Variants in PLCL2 observed in about 807,000 individuals in gnomAD.
PLCL2 encodes the protein inactive phospholipase C-like protein 2.
In PLCL2, 4 loss-of-function variants were observed where a neutral mutation model predicts 79.6. The observed-to-expected ratio is 0.05, with a 90% CI of 0.02 to 0.11. The LOEUF is 0.11. PLCL2 is among the 10% of genes least tolerant of loss of function. The pLI is 1.00. For missense variants in PLCL2, 895 were observed against 1,291.0 expected, an observed-to-expected ratio of 0.69 and a Z score of 4.70; for synonymous variants, 484 against 457.7, an observed-to-expected ratio of 1.06 and a Z score of -0.73.
At chr3:16,927,474 C>T (rs17042867) in intron 1 of PLCL2, among the ~76,000 whole-genome samples, 3,282 of 152,228 alleles carry the variant, frequency 0.022, 124 homozygotes, top group African/African-American at 0.075. Flanking sequence ...AGTCTTTGTT[C>T]TAAATGAGAT....
At chr3:17,031,385 A>G (rs2064579816) in intron 3 of PLCL2, among the ~76,000 whole-genome samples, 1 of 152,150 alleles carries the variant, frequency 6.6e-6, no homozygotes. Context: ...GTTCCTTCTA[A>G]GTTGCTAAAT....
At chr3:16,966,977 T>C (rs1433473010) in intron 1 of PLCL2, among the ~76,000 whole-genome samples, 1 of 152,044 alleles carries the variant, frequency 6.6e-6, no homozygotes, top group African/African-American at 2.4e-5. Context: ...TGTGTATCCC[T>C]CTGTACTCAA....
chr3:16,950,458 A>G (rs1026762115), intron 1 of PLCL2, among the ~76,000 whole-genome samples: 27 of 152,072 alleles, frequency 1.8e-4, no homozygotes, highest in African/African-American at 6.3e-4. Context: ...CCTTGCTGAC[A>G]TCCTTGTAGA....
chr3:17,022,173 T>C (rs2064462549), intron 3 of PLCL2, among the ~76,000 whole-genome samples: 1 of 152,192 alleles, frequency 6.6e-6, no homozygotes, highest in Non-Finnish European at 1.5e-5. Flanking sequence ...AAAATATGAA[T>C]ATATCTGAAA....
chr3:17,012,039 A>G lies in PLCL2; in HGVS notation c.2693A>G (p.Lys898Arg), dbSNP rs1483900472. ...KPHKRGLSVRKGKKSREYASL... is the reference protein window; with the variant it reads ...KPHKRGLSVRRGKKSREYASL... ...CATAAAAGGGGCCTTTCTGTGAGAA[A>G]AGGGAAGAAATCCAGGGAATATGCA... The change falls in exon 2 of 6, where the codon AAA becomes AGA. Residue 898 changes from lysine (K) to arginine (R), a missense_variant. Transcript: ENST00000615277. 32 of 1,614,076 alleles carry G rather than the reference A, an allele frequency of 2.0e-5. No individual in the cohort carries two copies. The highest frequency in any genetic ancestry group is 2.4e-5 in the Non-Finnish European group (28 of 1,180,018).
intron 4 of PLCL2, among the ~76,000 whole-genome samples, chr3:17,061,600 G>A (rs1417615350): frequency 2.0e-5 from 3 of 151,878 alleles, no homozygotes; most frequent in Non-Finnish European, 2.9e-5. Context: ...ATAATAATTG[G>A]AAAATTATGT....
At chr3:17,028,992 A>T (rs2064548862) in intron 3 of PLCL2, among the ~76,000 whole-genome samples, 1 of 152,110 alleles carries the variant, frequency 6.6e-6, no homozygotes, top group Non-Finnish European at 1.5e-5. Flanking sequence ...TATTCCCCGA[A>T]CTTGATTTTT....
chr3:17,061,449 A>G (rs1225074236), intron 4 of PLCL2, among the ~76,000 whole-genome samples: 2 of 152,326 alleles, frequency 1.3e-5, no homozygotes, highest in South Asian at 2.1e-4. Context: ...TAATTATGCC[A>G]TCTTGAAATT....
chr3:16,929,246 A>G (rs2124941320), intron 1 of PLCL2, among the ~76,000 whole-genome samples: 1 of 152,276 alleles, frequency 6.6e-6, no homozygotes, highest in Middle Eastern at 3.4e-3. Flanking sequence ...GCTCTGCACT[A>G]GGACTTGTCT....
At chr3:16,956,046 C>T (rs887558268) in intron 1 of PLCL2, among the ~76,000 whole-genome samples, 1,578 of 152,250 alleles carry the variant, frequency 0.01, 33 homozygotes, top group African/African-American at 0.036. Context: ...ATTGCCCTGG[C>T]CAGAACTTCC....
chr3:16,988,649 G>C lies in PLCL2; in HGVS notation c.328-21025G>C, dbSNP rs1000849447. On this transcript the variant is annotated intron_variant, in intron 1 of 5. Coordinates refer to ENST00000615277, the MANE Select transcript of PLCL2 (RefSeq NM_001144382.2). ...GTGTCTGTACTGCAGTTCTATAAAT[G>C]GTATAATGTTGTGGCCTTCAGGAAC... Among the ~76,000 whole-genome samples the C allele has an allele frequency of 2.6e-5, 4 of 151,972 alleles. No individual in the cohort carries two copies. The South Asian group carries it at 8.3e-4, about 31-fold the overall frequency.
intron 3 of PLCL2, among the ~76,000 whole-genome samples, chr3:17,033,142 C>T (rs1175399982): frequency 2.0e-5 from 3 of 152,150 alleles, no homozygotes; most frequent in African/African-American, 4.8e-5. Context: ...CCCTTAGGTA[C>T]TACCCTAGCT....
rs372370259 is a variant in PLCL2, at chr3:17,006,168, A to G, written c.328-3506A>G. On this transcript the variant is annotated intron_variant, in intron 1 of 5. Coordinates refer to ENST00000615277, the MANE Select transcript of PLCL2 (RefSeq NM_001144382.2). ...CTTGCATTACAAGGCAGCATAAACAATAGATCCCAGCTCTCTGCTTCTGAC... is the reference window on the plus strand; with the variant it reads ...CTTGCATTACAAGGCAGCATAAACAGTAGATCCCAGCTCTCTGCTTCTGAC... Among the ~76,000 whole-genome samples, 9 of 152,348 alleles carry G rather than the reference A, an allele frequency of 5.9e-5. 1 individual carries two copies. The highest frequency in any genetic ancestry group is 6.5e-5 in the Admixed American group (1 of 15,296).
chr3:16,935,239 CCT>C (rs1295246182), intron 1 of PLCL2, among the ~76,000 whole-genome samples: 3 of 152,050 alleles, frequency 2.0e-5, no homozygotes, highest in Admixed American at 6.5e-5. Flanking sequence ...TTATTTTCCC[CCT>C]GAGGTGTTTA....
chr3:17,031,929 C>CTTTTT (rs35640259), intron 3 of PLCL2, among the ~76,000 whole-genome samples: 27 of 109,040 alleles, frequency 2.5e-4, no homozygotes, highest in Non-Finnish European at 3.9e-4. Flanking sequence ...CAATTTTCAC[C>CTTTTT]TTTTTTTTTT....
intron 3 of PLCL2, among the ~76,000 whole-genome samples, chr3:17,029,342 T>TA (rs1307909240): frequency 1.4e-5 from 2 of 145,736 alleles, no homozygotes; most frequent in Non-Finnish European, 3.0e-5. Context: ...CGTATGCCCT[T>TA]AAAAAAAAGA....
intron 1 of PLCL2, among the ~76,000 whole-genome samples, chr3:16,971,940 C>A (rs566705837): frequency 2.0e-5 from 3 of 152,256 alleles, no homozygotes; most frequent in Non-Finnish European, 4.4e-5. Context: ...ACATGATTAT[C>A]TCAATAGATG....
intron 3 of PLCL2, among the ~76,000 whole-genome samples, chr3:17,038,079 G>A (rs2064676324): frequency 6.6e-6 from 1 of 151,962 alleles, no homozygotes; most frequent in Admixed American, 6.6e-5. Flanking sequence ...TTTTTACTTT[G>A]CCTTTAGTTA....
rs2064296268 is a variant in PLCL2, at chr3:17,009,376, C to G, written c.328-298C>G. On this transcript the variant is annotated intron_variant, in intron 1 of 5. Transcript: ENST00000615277. The surrounding 1 kb of genome is among the most constrained non-coding windows in gnomAD (Gnocchi z 4.0). The stretch of plus-strand genomic sequence containing the variant: ...ACCTCAAGCAATCCTCCTGCCTTAG[C>G]CTCCCAAAGTGCTGAGTTTATAGGT... Among the ~76,000 whole-genome samples, 1 of 152,122 alleles carries G rather than the reference C, an allele frequency of 6.6e-6. No individual in the cohort carries two copies. Among genetic ancestry groups the G allele is most frequent in the African/African-American group, 2.4e-5 (1 of 41,426 alleles).
Sources: gnomAD v4.1 joint callset for allele counts (sites outside exome capture counted in the v4.1 genomes callset) on GRCh38, gnomAD v4.1.1 for gene constraint, Gnocchi (gnomAD v3.1) non-coding constraint, MANE v1.5 for transcripts, NCBI Gene and HGNC (gene_info 2026-07-23, HGNC 2026-07-21) for gene names.